The following UBP1 variants were observed in gnomAD, a reference collection of about 807,000 sequenced individuals.
UBP1 encodes the protein upstream-binding protein 1.
In UBP1, 22 loss-of-function variants were observed where a neutral mutation model predicts 76.1. The observed-to-expected ratio is 0.29, with a 90% CI of 0.21 to 0.41. UBP1 has a LOEUF of 0.41. Ranked by LOEUF, UBP1 falls within the 10% of genes least tolerant of loss-of-function variation. The probability of loss-of-function intolerance (pLI) is 1.00; values close to 1 mark genes in which losing one functional copy is unlikely to be tolerated. For missense variants in UBP1, 436 were observed against 668.1 expected (o/e 0.65, Z 3.83); for synonymous variants, 224 against 237.1 (o/e 0.94, Z 0.51).
chr3:33,409,730 T>C (rs2044521355), intron 5 of UBP1, 129 bp from the exon 6 acceptor site: 11 of 1,152,934 alleles, frequency 9.5e-6, no homozygotes, highest in Non-Finnish European at 1.3e-5. Flanking sequence ...ATCACACATA[T>C]TAGCCAAATT....
At chr3:33,430,104 A>G (rs891367035) in intron 1 of UBP1, among the ~76,000 whole-genome samples, 4 of 152,232 alleles carry the variant, frequency 2.6e-5, no homozygotes, top group African/African-American at 9.6e-5. Flanking sequence ...GGGGGAAAAA[A>G]GTTGTCAGAG....
In UBP1 at chr3:33,409,607, A is replaced by T; in HGVS notation, c.556-6T>A. On this transcript the variant is annotated splice_region_variant and splice_polypyrimidine_tract_variant and intron_variant, in intron 5 of 15. Transcript: ENST00000283629. ...TCTGTGCTGATGCAGTGTACCTATA[A>T]AACGATTCAGGCTGAAATGGATTCA... The T allele has an allele frequency of 6.2e-7, 1 of 1,614,112 alleles. No homozygotes were observed. The highest frequency in any genetic ancestry group is 8.5e-7 in the Non-Finnish European group (1 of 1,179,990).
At chr3:33,393,501 G>A (rs370497722) in intron 13 of UBP1, 47 bp from the exon 14 acceptor site, 2 of 1,565,024 alleles carry the variant, frequency 1.3e-6, no homozygotes, top group Non-Finnish European at 1.7e-6. Flanking sequence ...AGTAATCTTT[G>A]ATCTGTTTTC....
chr3:33,428,493 T>C, intron 1 of UBP1, among the ~76,000 whole-genome samples: 1 of 152,192 alleles, frequency 6.6e-6, no homozygotes, highest in East Asian at 1.9e-4. Flanking sequence ...TTGTCACATA[T>C]GGAAGACAAT....
At chr3:33,414,056 C>T (rs1469907885) in intron 3 of UBP1, 50 of 151,880 alleles carry the variant, frequency 3.3e-4, no homozygotes, top group Admixed American at 3.3e-3. Flanking sequence ...GACTTCAGAG[C>T]TTTACTAAGC....
At chr3:33,425,919 T>C (rs2045003082) in intron 1 of UBP1, among the ~76,000 whole-genome samples, 178 bp from the exon 2 acceptor site, 1 of 148,108 alleles carries the variant, frequency 6.8e-6, no homozygotes, top group African/African-American at 2.5e-5. Context: ...ATGAATGCTA[T>C]GTGGTTCATC....
At chr3:33,429,490 T>C (rs963301209) in intron 1 of UBP1, among the ~76,000 whole-genome samples, 10 of 152,052 alleles carry the variant, frequency 6.6e-5, no homozygotes, top group African/African-American at 2.4e-4. Context: ...CCACCATGCC[T>C]GGCTAATGTT....
At chr3:33,436,940 G>A (rs2045213570) in intron 1 of UBP1, among the ~76,000 whole-genome samples, 1 of 152,152 alleles carries the variant, frequency 6.6e-6, no homozygotes, top group African/African-American at 2.4e-5. Flanking sequence ...GGTTTCTAAG[G>A]AAGGTCTCTA....
At chr3:33,424,403 T>C (rs772418401) in intron 2 of UBP1, among the ~76,000 whole-genome samples, 1 of 152,234 alleles carries the variant, frequency 6.6e-6, no homozygotes, top group Non-Finnish European at 1.5e-5. Context: ...CTATTGCTCT[T>C]TCCAAAACTT....
Position 33,430,550 on chromosome 3 carries a change from CAT to C in UBP1, c.114-4811_114-4810del, listed in dbSNP as rs796942311. On this transcript the variant is annotated intron_variant, in intron 1 of 15. Transcript: ENST00000283629. ...AACCAACAGCAAAAACAACAGATGA[CAT>C]ATATCCAGTTCCAGATTTTGTCTGC... Among the ~76,000 whole-genome samples, 24 of 152,306 alleles carry C rather than the reference CAT, an allele frequency of 1.6e-4. 1 individual carries two copies. The highest frequency in any genetic ancestry group is 5.3e-4 in the African/African-American group (22 of 41,566).
At chr3:33,407,743 G>A (rs1014092915) in intron 8 of UBP1, among the ~76,000 whole-genome samples, 3 of 152,138 alleles carry the variant, frequency 2.0e-5, no homozygotes, top group Admixed American at 6.5e-5. Context: ...CAGCAATTGC[G>A]ATATGTGTAA....
At chr3:33,412,599 A>G in intron 4 of UBP1, 123 bp downstream of exon 4, 2 of 651,990 alleles carry the variant, frequency 3.1e-6, no homozygotes, top group Admixed American at 2.8e-5. Context: ...AAAAAAAAAG[A>G]CACAAAATCC....
intron 1 of UBP1, among the ~76,000 whole-genome samples, chr3:33,435,949 G>A (rs1375849537): frequency 1.3e-5 from 2 of 152,158 alleles, no homozygotes; most frequent in African/African-American, 2.4e-5. Flanking sequence ...GAGATCATCT[G>A]TACTTCCAAG....
chr3:33,432,150 G>A (rs972393580), intron 1 of UBP1, among the ~76,000 whole-genome samples: 1 of 151,884 alleles, frequency 6.6e-6, no homozygotes. Flanking sequence ...GTGAAACCCC[G>A]TCTCTACAAA....
intron 7 of UBP1, 53 bp downstream of exon 7, chr3:33,409,183 A>C: frequency 3.9e-6 from 6 of 1,538,936 alleles, no homozygotes; most frequent in Non-Finnish European, 5.4e-6. Flanking sequence ...TTAGAAATAG[A>C]CTAATATGCA....
At chr3:33,423,013 C>T (rs1021361035) in intron 2 of UBP1, among the ~76,000 whole-genome samples, 7 of 150,212 alleles carry the variant, frequency 4.7e-5, no homozygotes, top group Admixed American at 3.3e-4. Flanking sequence ...CATAAAAGTA[C>T]AGTTCCTTTA....
At position 33,396,175 on chromosome 3, in the gene UBP1, A is replaced by G; in HGVS notation, c.1377T>C (p.Ser459=). 1 of 1,581,604 alleles carries G rather than the reference A, an allele frequency of 6.3e-7. No individual in the cohort carries two copies. Residue 459 remains serine, a synonymous_variant, in exon 13 of 16, where the codon AGT becomes AGC. Coordinates refer to ENST00000283629, the MANE Select transcript of UBP1 (RefSeq NM_014517.5). ...CTCAATACCTACCATAGGGTGCCCCACTGCCATTCTCGCTTGCACTGCTTG... is the reference window on the plus strand; with the variant it reads ...CTCAATACCTACCATAGGGTGCCCCGCTGCCATTCTCGCTTGCACTGCTTG... ...QAASSASENG[S]GAPYVYHAIY... is the part of the protein sequence containing the mutation.
chr3:33,390,690 G>C, intron 15 of UBP1: 1 of 318,030 alleles, frequency 3.1e-6, no homozygotes, highest in Non-Finnish European at 5.6e-6. Context: ...GCAAGAGCTA[G>C]AAGGAGAACA....
At chr3:33,406,063 T>C (rs1007957487) in intron 8 of UBP1, among the ~76,000 whole-genome samples, 1 of 152,230 alleles carries the variant, frequency 6.6e-6, no homozygotes. Flanking sequence ...TTGCATGGCA[T>C]AGCAACTTTG....
Sources: allele counts gnomAD v4.1 joint callset (sites outside exome capture counted in the v4.1 genomes callset), GRCh38; gene constraint gnomAD v4.1.1; transcripts MANE v1.5; gene names NCBI Gene and HGNC (gene_info 2026-07-23, HGNC 2026-07-21).